Variants in TAMM41 observed in about 807,000 individuals in gnomAD.
The protein encoded by TAMM41 is TAM41 mitochondrial translocator assembly and maintenance homolog.
Under a neutral mutation model 44.1 loss-of-function variants are expected in TAMM41, and 36 were observed. That is an observed-to-expected ratio of 0.82 (90% CI 0.63 to 1.08). TAMM41 has a LOEUF of 1.08. Ranked by LOEUF, TAMM41 falls within the 50% of genes least tolerant of loss-of-function variation. The pLI, the probability that TAMM41 is intolerant of heterozygous loss-of-function variation, is 0.00. For missense variants in TAMM41, 417 were observed against 404.3 expected, an observed-to-expected ratio of 1.03 and a Z score of -0.27; for synonymous variants, 164 against 153.1, an observed-to-expected ratio of 1.07 and a Z score of -0.53.
chr3:11,755,829 TCTCA>T, the TAMM41 span, among the ~76,000 whole-genome samples: 1 of 152,208 alleles, frequency 6.6e-6, no homozygotes. Flanking sequence ...GCCATGCTGT[TCTCA>T]CTGTCTGCAA....
the TAMM41 span, among the ~76,000 whole-genome samples, chr3:11,771,999 T>A: frequency 6.6e-6 from 1 of 152,198 alleles, no homozygotes; most frequent in Non-Finnish European, 1.5e-5. Flanking sequence ...GTGAACACTT[T>A]ACCCAACAGG....
downstream of TAMM41, among the ~76,000 whole-genome samples, chr3:11,787,538 A>C (rs1162989789): frequency 2.0e-5 from 3 of 152,180 alleles, no homozygotes; most frequent in Non-Finnish European, 2.9e-5. Context: ...TCTATTTGAT[A>C]TACTTAGGGT....
chr3:11,798,267 G>C (rs2077658679), intron 7 of TAMM41, among the ~76,000 whole-genome samples: 2 of 152,142 alleles, frequency 1.3e-5, no homozygotes, highest in African/African-American at 4.8e-5. Flanking sequence ...ATCAATCGTA[G>C]ACTGCATAAA....
intron 4 of TAMM41, among the ~76,000 whole-genome samples, chr3:11,818,732 T>TA (rs1171624358): frequency 2.6e-5 from 4 of 151,860 alleles, no homozygotes; most frequent in Non-Finnish European, 5.9e-5. Flanking sequence ...CCGTCTCTAC[T>TA]AAAAAATACA....
intron 3 of TAMM41, among the ~76,000 whole-genome samples, chr3:11,838,826 G>C (rs1448856505): frequency 6.6e-6 from 1 of 151,962 alleles, no homozygotes; most frequent in East Asian, 1.9e-4. Flanking sequence ...GAAAGGTCCA[G>C]CCTCTTATCA....
the TAMM41 span, among the ~76,000 whole-genome samples, chr3:11,774,502 A>G: frequency 6.6e-6 from 1 of 152,228 alleles, no homozygotes; most frequent in African/African-American, 2.4e-5. Flanking sequence ...AAACAGCCAC[A>G]TGTCACAGGC....
the TAMM41 span, among the ~76,000 whole-genome samples, chr3:11,751,311 C>T: frequency 6.6e-6 from 1 of 151,998 alleles, no homozygotes; most frequent in Non-Finnish European, 1.5e-5. Flanking sequence ...AGTCTGGTCT[C>T]GAACTCCCGA....
At chr3:11,841,378 C>T (rs954838363) in intron 2 of TAMM41, among the ~76,000 whole-genome samples, 10 of 152,004 alleles carry the variant, frequency 6.6e-5, no homozygotes, top group South Asian at 2.1e-4. Flanking sequence ...CTGCCGTGCC[C>T]GGACAGTTAA....
the TAMM41 span, among the ~76,000 whole-genome samples, chr3:11,752,226 C>T: frequency 6.6e-6 from 1 of 152,086 alleles, no homozygotes; most frequent in Admixed American, 6.6e-5. Flanking sequence ...AAGAATGAAG[C>T]CATGGACCTC....
intron 3 of TAMM41, among the ~76,000 whole-genome samples, chr3:11,832,420 T>C (rs1002371353): frequency 7.9e-5 from 12 of 152,288 alleles, no homozygotes; most frequent in African/African-American, 2.9e-4. Flanking sequence ...AGAGATGATC[T>C]AAAATATAAA....
downstream of TAMM41, among the ~76,000 whole-genome samples, chr3:11,789,286 A>G (rs527560403): frequency 5.9e-5 from 9 of 152,368 alleles, no homozygotes; most frequent in African/African-American, 2.2e-4. Context: ...TGAACTCAAT[A>G]GTAAACAAAA....
chr3:11,757,872 G>A, the TAMM41 span, among the ~76,000 whole-genome samples: 515 of 152,284 alleles, frequency 3.4e-3, 1 homozygote, highest in Admixed American at 4.1e-3. Flanking sequence ...CTCAGGAGGC[G>A]TTGGTGAATG....
chr3:11,776,239 T>C, the TAMM41 span, among the ~76,000 whole-genome samples: 11 of 152,066 alleles, frequency 7.2e-5, no homozygotes, highest in East Asian at 5.8e-4. Flanking sequence ...AGGATGGTCT[T>C]GATCTCCTGA....
intron 1 of TAMM41, 47 bp downstream of exon 1, chr3:11,846,455 A>C: frequency 6.2e-7 from 1 of 1,610,450 alleles, no homozygotes; most frequent in Non-Finnish European, 8.5e-7. Context: ...GCAAAACGGG[A>C]CTCGTGAGAA....
intron 6 of TAMM41, 139 bp from the exon 7 acceptor site, chr3:11,808,034 C>T (rs1332624495): frequency 8.5e-6 from 12 of 1,414,206 alleles, no homozygotes; most frequent in Admixed American, 2.9e-5. Context: ...CCTGCTGTCA[C>T]AGTGACAATG....
chr3:11,728,080 C>A, the TAMM41 span, among the ~76,000 whole-genome samples: 2 of 152,142 alleles, frequency 1.3e-5, no homozygotes, highest in African/African-American at 4.8e-5. Context: ...AGCCACCGTG[C>A]CCAGCCCCTG....
chr3:11,755,508 A>G, the TAMM41 span, among the ~76,000 whole-genome samples: 24 of 152,192 alleles, frequency 1.6e-4, no homozygotes, highest in African/African-American at 1.9e-4. Context: ...CAGAGAACAC[A>G]TTCCTGTTAA....
intron 7 of TAMM41, among the ~76,000 whole-genome samples, chr3:11,804,016 G>T (rs75974174): frequency 0.13 from 19,728 of 152,046 alleles, 2,808 homozygotes; most frequent in East Asian, 0.48. Context: ...TACACTAAAA[G>T]CCCAGACTTC....
At chr3:11,733,284 C>A in the TAMM41 span, among the ~76,000 whole-genome samples, 6 of 152,034 alleles carry the variant, frequency 3.9e-5, no homozygotes, top group Admixed American at 1.3e-4. Context: ...CAGCCATGAG[C>A]CACCGCACCA....
Sources: gnomAD v4.1 joint callset for allele counts (sites outside exome capture counted in the v4.1 genomes callset) on GRCh38, gnomAD v4.1.1 for gene constraint, MANE v1.5 for transcripts, NCBI Gene and HGNC (gene_info 2026-07-23, HGNC 2026-07-21) for gene names.